SETD6: variants seen among roughly 807,000 people sequenced by gnomAD.
SETD6 encodes the protein SET domain containing 6, protein lysine methyltransferase.
Under a neutral mutation model 52.7 loss-of-function variants are expected in SETD6, and 67 were observed. That is an observed-to-expected ratio of 1.27 (90% confidence interval 1.04 to 1.56). SETD6 has a LOEUF of 1.56. SETD6 is among the 40% of genes most tolerant of loss of function. The pLI is 0.00. For missense variants in SETD6, 712 were observed against 607.5 expected, an observed-to-expected ratio of 1.17 and a Z score of -1.81; for synonymous variants, 307 against 250.2, an observed-to-expected ratio of 1.23 and a Z score of -2.14.
chr16:58,518,938 A>G lies in SETD6; in HGVS notation c.1331A>G (p.Tyr444Cys), dbSNP rs1268305602. 4 of 1,614,224 alleles carry G rather than the reference A, an allele frequency of 2.5e-6. No homozygotes were observed. The highest frequency in any genetic ancestry group is 1.7e-5 in the Admixed American group (1 of 60,028). The stretch of plus-strand genomic sequence containing the variant: ...GGTTTACTCAGTAATAAGGAAGTCT[A>G]TGCGAAACTCAGCTGGAGGGAACAG... ...DQGLLSNKEV[Y>C]AKLSWREQQA... Residue 444 changes from tyrosine (Y) to cysteine (C), a missense_variant, in exon 8 of 8, where the codon TAT (tyrosine) becomes TGT (cysteine). Coordinates refer to ENST00000219315, the MANE Select transcript of SETD6 (RefSeq NM_001160305.4).
chr16:58,523,106 G>A lies in SETD6; in HGVS notation c.*4077G>A, dbSNP rs1489042372. ...ACTAAAATACAAAAATTAGCTGGGCGTGGTGGCAGGCGCCTGTAATCCCAG... is the reference window on the plus strand; with the variant it reads ...ACTAAAATACAAAAATTAGCTGGGCATGGTGGCAGGCGCCTGTAATCCCAG... On this transcript the variant is annotated 3_prime_UTR_variant, in exon 8 of 8. Transcript: ENST00000219315. 1.4e-5 allele frequency: 3 copies of A among 219,062 alleles called. No homozygotes were observed. Among genetic ancestry groups the A allele is most frequent in the Non-Finnish European group, 2.7e-5 (3 of 112,040 alleles). 13.6% of individuals were successfully genotyped at this position (219,062 alleles called of 1,614,324 possible). A position where few individuals can be genotyped will look rare whatever the true frequency, so the allele number is the denominator to read the frequency against.
At chr16:58,516,159 C>A in intron 2 of SETD6, 43 bp from the exon 3 acceptor site, 1 of 1,377,346 alleles carries the variant, frequency 7.3e-7, no homozygotes, top group Non-Finnish European at 9.3e-7. Flanking sequence ...CGGGCCCGGC[C>A]CGCGAGGCCG....
rs1440745355 is a variant in SETD6, at chr16:58,521,310, A to G, written c.*2281A>G. 1 of 1,604,238 alleles carries G rather than the reference A, an allele frequency of 6.2e-7. No individual in the cohort carries two copies. Among genetic ancestry groups the G allele is most frequent in the Non-Finnish European group, 8.5e-7 (1 of 1,177,770 alleles). On this transcript the variant is annotated 3_prime_UTR_variant, in exon 8 of 8. Transcript: ENST00000219315. ...GGCCTATTTACAATCAACCGTTCCA[A>G]GAGAACTCTGGAAAAAGGGAGAAAG... is the stretch of plus-strand genomic sequence containing the variant.
chr16:58,517,964 C>T, intron 5 of SETD6, 87 bp from the exon 6 acceptor site: 8 of 1,543,062 alleles, frequency 5.2e-6, no homozygotes, highest in Non-Finnish European at 7.1e-6. Context: ...CTGAACTACA[C>T]CTGCTGAAGG....
rs1052008865 is a variant in SETD6 at position 58,523,260 on chromosome 16, A to C, written c.*4231A>C. 2.4e-6 allele frequency: 3 copies of C among 1,273,450 alleles called. No individual in the cohort carries two copies. The highest frequency in any genetic ancestry group is 3.2e-6 in the Non-Finnish European group (3 of 943,960). 78.9% of individuals were successfully genotyped at this position (1,273,450 alleles called of 1,614,324 possible). On this transcript the variant is annotated 3_prime_UTR_variant, in exon 8 of 8. Coordinates refer to ENST00000219315, the MANE Select transcript of SETD6 (RefSeq NM_001160305.4). The stretch of plus-strand genomic sequence containing the variant: ...ACTCCGTCTCAAAAAAACAAAAAAA[A>C]AACCAACCAAACGGATTTTCACTGA...
chr16:58,518,709 T>C lies in SETD6; in HGVS notation c.1117-15T>C. 6.2e-7 allele frequency: 1 copy of C among 1,609,724 alleles called. No individual in the cohort carries two copies. Among genetic ancestry groups the C allele is most frequent in the African/African-American group, 1.3e-5 (1 of 74,714 alleles). ...AGCAGTACATCTAATTAAAGAGCTC[T>C]GTGGTTGCTTCTAGGTACTGTGCAT... On this transcript the variant is annotated splice_polypyrimidine_tract_variant and intron_variant, in intron 7 of 7. Transcript: ENST00000219315.
Position 58,516,355 on chromosome 16 carries a change from G to C in SETD6, c.476+12G>C, listed in dbSNP as rs780885873. On this transcript the variant is annotated intron_variant, in intron 3 of 7. Coordinates refer to ENST00000219315, the MANE Select transcript of SETD6 (RefSeq NM_001160305.4). Reference sequence around the variant, plus strand: ...CACCCGATGTTCTGGTGAGAGCCTTGGGAGGGGTTGGGGAGCGCCTGCACC... The same window carrying C: ...CACCCGATGTTCTGGTGAGAGCCTTCGGAGGGGTTGGGGAGCGCCTGCACC... The C allele has an allele frequency of 2.5e-6, 4 of 1,609,902 alleles. No homozygotes were observed. The highest frequency in any genetic ancestry group is 3.3e-5 in the Admixed American group (2 of 59,924).
Position 58,515,887 on chromosome 16 carries a change from GAGCGAGCCGGCGGGCGGAGGACCCGC to G in SETD6, c.125_150del (p.Glu42GlyfsTer125), listed in dbSNP as rs1264038356. 2 of 1,514,422 alleles carry G rather than the reference GAGCGAGCCGGCGGGCGGAGGACCCGC, an allele frequency of 1.3e-6. No individual in the cohort carries two copies. Among genetic ancestry groups the G allele is most frequent in the East Asian group, 2.7e-5 (1 of 37,712 alleles). The allele number at this position is 1,514,422 out of a possible 1,614,324, so 93.8% of individuals were successfully genotyped here. On this transcript the variant is annotated frameshift_variant, in exon 2 of 8. Transcript: ENST00000219315. LOFTEE classifies it high-confidence loss of function. ...GCTGGAGCTGAGTCCCAAGGTGAGC[GAGCGAGCCGGCGGGCGGAGGACCCGC>G]GGCGGGGCGCGGGCTGCCCTGACCA...
Position 58,520,763 on chromosome 16 carries a change from G to C in SETD6, c.*1734G>C. Reference sequence around the variant, plus strand: ...AGCATCTTCTAAATTTTGGCCAAGAGTCAAAAAAATGCATTTAAACTTTGG... The same window carrying C: ...AGCATCTTCTAAATTTTGGCCAAGACTCAAAAAAATGCATTTAAACTTTGG... On this transcript the variant is annotated 3_prime_UTR_variant, in exon 8 of 8. Transcript: ENST00000219315. 2 of 593,132 alleles carry C rather than the reference G, an allele frequency of 3.4e-6. No homozygotes were observed. The highest frequency in any genetic ancestry group is 3.0e-6 in the Non-Finnish European group (1 of 337,726). 36.7% of individuals were successfully genotyped at this position (593,132 alleles called of 1,614,324 possible). A position where few individuals can be genotyped will look rare whatever the true frequency, so the allele number is the denominator to read the frequency against.
In SETD6 at chr16:58,520,355, T is replaced by TG. The variant is rs1458171554; in HGVS notation, c.*1327dup. 6.5e-6 allele frequency: 1 copy of TG among 153,168 alleles called. No individual in the cohort carries two copies. The highest frequency in any genetic ancestry group is 1.5e-5 in the Non-Finnish European group (1 of 68,778). 9.5% of individuals were successfully genotyped at this position (153,168 alleles called of 1,614,324 possible). ...CCCAAAAGAAATAAGATGGTACAAA[T>TG]GCAGTCAGCTTTGGAATACGTTTGG... is the stretch of plus-strand genomic sequence containing the variant. On this transcript the variant is annotated 3_prime_UTR_variant, in exon 8 of 8. Transcript: ENST00000219315.
In SETD6 at chr16:58,518,428, T is replaced by C; in HGVS notation, c.1001T>C (p.Leu334Pro). 1 of 1,584,764 alleles carries C rather than the reference T, an allele frequency of 6.3e-7. No homozygotes were observed. The highest frequency in any genetic ancestry group is 8.5e-7 in the Non-Finnish European group (1 of 1,172,084). Residue 334 changes from leucine to proline, a missense_variant, in exon 7 of 8, where the codon CTA becomes CCA. Leu to Pro is a moderately conservative substitution (Grantham distance 98). Transcript: ENST00000219315. ...QGTKTEAERH[L>P]VYERWDFLCK... ...ACAAAAACTGAAGCTGAAAGGCACC[T>C]AGTGTACGAGCGCTGGGATTTCCTA... is the stretch of plus-strand genomic sequence containing the variant.
At position 58,515,879 on chromosome 16, in the gene SETD6, A is replaced by AGGTG. The variant is rs775188508; in HGVS notation, c.117_120dup (p.Ser41GlyfsTer136). On this transcript the variant is annotated frameshift_variant, in exon 2 of 8. Coordinates refer to ENST00000219315, the MANE Select transcript of SETD6 (RefSeq NM_001160305.4). LOFTEE classifies it high-confidence loss of function. ...CGGGTGGGGCTGGAGCTGAGTCCCA[A>AGGTG]GGTGAGCGAGCGAGCCGGCGGGCGG... The AGGTG allele has an allele frequency of 6.6e-7, 1 of 1,519,256 alleles. No individual in the cohort carries two copies. Among genetic ancestry groups the AGGTG allele is most frequent in the Non-Finnish European group, 8.8e-7 (1 of 1,142,622 alleles). 94.1% of individuals were successfully genotyped at this position (1,519,256 alleles called of 1,614,324 possible). A position where few individuals can be genotyped will look rare whatever the true frequency, so the allele number is the denominator to read the frequency against.
At position 58,516,904 on chromosome 16, in the gene SETD6, C is replaced by T; in HGVS notation, c.768C>T (p.His256=). 1 of 1,614,188 alleles carries T rather than the reference C, an allele frequency of 6.2e-7. No individual in the cohort carries two copies. The highest frequency in any genetic ancestry group is 8.5e-7 in the Non-Finnish European group (1 of 1,180,024). ...AADILNHLAN[H]NANLEYSANC... is the part of the protein sequence containing the mutation. ...ACATACTAAACCACTTAGCCAATCA[C>T]AACGCCAATCTAGAATACTCTGCGG... The change falls in exon 5 of 8, where the codon CAC becomes CAT. Residue 256 remains histidine (H), a synonymous_variant. Transcript: ENST00000219315.
chr16:58,515,600 G>T (rs761667660), intron 1 of SETD6, 36 bp downstream of exon 1: 11 of 1,517,976 alleles, frequency 7.2e-6, no homozygotes, highest in Non-Finnish European at 8.8e-6. Flanking sequence ...CTTTTCCTCC[G>T]CGCCTCACCC....
rs1290929637 is a variant in SETD6 at position 58,519,930 on chromosome 16, G to C, written c.*901G>C. On this transcript the variant is annotated 3_prime_UTR_variant, in exon 8 of 8. Coordinates refer to ENST00000219315, the MANE Select transcript of SETD6 (RefSeq NM_001160305.4). ...CACCAGCACTGGCTGCTGCTACTGAGAAAGGCACAGTGGACTCATGTGTGT... is the reference window on the plus strand; with the variant it reads ...CACCAGCACTGGCTGCTGCTACTGACAAAGGCACAGTGGACTCATGTGTGT... 2 of 152,200 alleles carry C rather than the reference G, an allele frequency of 1.3e-5. No homozygotes were observed. The highest frequency in any genetic ancestry group is 2.9e-5 in the Non-Finnish European group (2 of 68,048). The allele number at this position is 152,200 out of a possible 1,614,324, so 9.4% of individuals were successfully genotyped here.
Position 58,516,829 on chromosome 16 carries a change from A to G in SETD6, c.693A>G (p.Glu231=). The G allele has an allele frequency of 1.9e-6, 3 of 1,614,170 alleles. No individual in the cohort carries two copies. Among genetic ancestry groups the G allele is most frequent in the Non-Finnish European group, 2.5e-6 (3 of 1,180,022 alleles). Residue 231 remains glutamate (E), a synonymous_variant, in exon 5 of 8, where the codon GAA becomes GAG. Transcript: ENST00000219315. ...MAYSFQEPLE[E]EEDEKEPNSP... ...GCAGCTTTCAGGAACCACTGGAGGA[A>G]GAAGAGGATGAAAAGGAGCCCAACT...
At chr16:58,518,685 G>C (rs934930127) in intron 7 of SETD6, 39 bp from the exon 8 acceptor site, 10 of 1,601,530 alleles carry the variant, frequency 6.2e-6, no homozygotes, top group Non-Finnish European at 8.5e-6. Context: ...AAGTACAAAA[G>C]CAGTACATCT....
chr16:58,518,009 G>T (rs1402976177), intron 5 of SETD6, 42 bp from the exon 6 acceptor site: 1 of 1,613,044 alleles, frequency 6.2e-7, no homozygotes, highest in African/African-American at 1.3e-5. Flanking sequence ...CATGGGGCTG[G>T]CCCGTGAAAG....
In SETD6 at chr16:58,518,773, G is replaced by T. The variant is rs911745146; in HGVS notation, c.1166G>T (p.Gly389Val). 1 of 1,614,168 alleles carries T rather than the reference G, an allele frequency of 6.2e-7. No individual in the cohort carries two copies. Among genetic ancestry groups the T allele is most frequent in the Admixed American group, 1.7e-5 (1 of 60,016 alleles). ...EEFRELKDQD[G>V]GGDDKREEGS... ...TTCAGAGAGCTTAAAGACCAGGATGGAGGGGGAGATGATAAAAGGGAAGAG... is the reference window on the plus strand; with the variant it reads ...TTCAGAGAGCTTAAAGACCAGGATGTAGGGGGAGATGATAAAAGGGAAGAG... The change falls in exon 8 of 8, where the codon GGA becomes GTA. Residue 389 changes from glycine to valine, a missense_variant. Physicochemically the swap from Gly to Val is moderately radical, Grantham distance 109 (BLOSUM62 -3). Coordinates refer to ENST00000219315, the MANE Select transcript of SETD6 (RefSeq NM_001160305.4).
Sources: gnomAD v4.1 joint callset for allele counts on GRCh38, gnomAD v4.1.1 for gene constraint, MANE v1.5 for transcripts, NCBI Gene and HGNC (gene_info 2026-07-23, HGNC 2026-07-21) for gene names.